ECT2L: variants seen among roughly 807,000 people sequenced by gnomAD.
ECT2L encodes epithelial cell transforming 2 like.
ECT2L carries 126 observed loss-of-function variants against 122.8 expected under a neutral mutation model. The observed-to-expected ratio is 1.03, with a 90% CI of 0.89 to 1.19. The LOEUF is 1.19. Among genes scored for constraint, ECT2L ranks in the 50% most tolerant of loss-of-function variants. The probability of loss-of-function intolerance (pLI) is 0.00; values close to 1 mark genes in which losing one functional copy is unlikely to be tolerated. For missense variants in ECT2L, 1,012 were observed against 1,064.1 expected, an observed-to-expected ratio of 0.95 and a Z score of 0.68; for synonymous variants, 385 against 381.8, an observed-to-expected ratio of 1.01 and a Z score of -0.10.
chr6:138,894,175 G>A (rs546694156), intron 20 of ECT2L, among the ~76,000 whole-genome samples: 1 of 152,210 alleles, frequency 6.6e-6, no homozygotes, highest in African/African-American at 2.4e-5. Flanking sequence ...TCCTGCCTCA[G>A]CCTCCCAAGT....
chr6:138,882,936 C>G, intron 16 of ECT2L, 65 bp downstream of exon 16: 22 of 1,540,228 alleles, frequency 1.4e-5, no homozygotes, highest in African/African-American at 2.7e-5. Flanking sequence ...CGTGTGGAAC[C>G]CGAAAGACCA....
At chr6:138,866,341 T>C (rs1778038283) in intron 12 of ECT2L, among the ~76,000 whole-genome samples, 1 of 152,044 alleles carries the variant, frequency 6.6e-6, no homozygotes, top group Non-Finnish European at 1.5e-5. Flanking sequence ...ATTTTTTAGA[T>C]GGAGTCTTAC....
At chr6:138,891,049 T>A (rs1422535546) in intron 20 of ECT2L, among the ~76,000 whole-genome samples, 1 of 152,110 alleles carries the variant, frequency 6.6e-6, no homozygotes, top group Non-Finnish European at 1.5e-5. Flanking sequence ...AAAAATGAGT[T>A]CAGGCCATGA....
chr6:138,799,462 A>G (rs548715244), intron 1 of ECT2L, among the ~76,000 whole-genome samples: 5 of 152,112 alleles, frequency 3.3e-5, no homozygotes, highest in Middle Eastern at 3.4e-3. Flanking sequence ...TCACTGTGTT[A>G]GCCAGGATGG....
intron 20 of ECT2L, among the ~76,000 whole-genome samples, chr6:138,892,563 G>A (rs1159033858): frequency 6.6e-6 from 1 of 152,060 alleles, no homozygotes; most frequent in Non-Finnish European, 1.5e-5. Context: ...GTGCAATCTA[G>A]GCTCACTGCA....
intron 4 of ECT2L, among the ~76,000 whole-genome samples, chr6:138,836,112 C>T (rs574467928): frequency 6.8e-4 from 104 of 151,924 alleles, no homozygotes; most frequent in Admixed American, 1.7e-3. Flanking sequence ...TCAATTTGTC[C>T]CATAGCTGGA....
At chr6:138,867,637 C>T (rs146998824) in intron 12 of ECT2L, among the ~76,000 whole-genome samples, 352 of 141,378 alleles carry the variant, frequency 2.5e-3, no homozygotes, top group African/African-American at 8.6e-3. Context: ...TGGTGAAACC[C>T]GGTCTCTCCT....
chr6:138,827,951 T>TA (rs1319267304), intron 4 of ECT2L, among the ~76,000 whole-genome samples: 1 of 151,812 alleles, frequency 6.6e-6, no homozygotes, highest in Non-Finnish European at 1.5e-5. Context: ...TATTTTTTTT[T>TA]TATACTTTAA....
chr6:138,846,043 C>T (rs777990692), intron 7 of ECT2L, among the ~76,000 whole-genome samples: 1 of 152,126 alleles, frequency 6.6e-6, no homozygotes, highest in South Asian at 2.1e-4. Context: ...TGCACTCCAG[C>T]CTGAGTGAGA....
intron 7 of ECT2L, 59 bp from the exon 8 acceptor site, chr6:138,846,480 T>A (rs2128391235): frequency 6.6e-7 from 1 of 1,513,734 alleles, no homozygotes; most frequent in African/African-American, 1.4e-5. Flanking sequence ...TGCTGTGTAC[T>A]TACCAAAACT....
At chr6:138,900,841 G>C (rs892409937) in intron 20 of ECT2L, 107 bp from the exon 21 acceptor site, 2 of 1,190,676 alleles carry the variant, frequency 1.7e-6, no homozygotes, top group Admixed American at 5.5e-5. Flanking sequence ...AATGTCAGTA[G>C]TGGGGTAAAA....
At position 138,844,437 on chromosome 6, in the gene ECT2L, T is replaced by C. The variant is rs1777150192; in HGVS notation, c.621T>C (p.Pro207=). Residue 207 remains proline, a synonymous_variant, in exon 7 of 22, where the codon CCT becomes CCC. Coordinates refer to ENST00000541398, the MANE Select transcript of ECT2L (RefSeq NM_001077706.3). ...AGGAGTTATTCAAAGTTCGACCCCC[T>C]TGGGTGAGTGGAACTTGCTGCTCTA... ...RKKELFKVRP[P]WVSGTCCSSV... is the part of the protein sequence containing the mutation. The C allele has an allele frequency of 2.5e-6, 4 of 1,614,106 alleles. No individual in the cohort carries two copies. In the African/African-American group the frequency reaches 4.0e-5, roughly 16 times the overall value.
intron 4 of ECT2L, chr6:138,822,698 G>A (rs1776307381): frequency 6.6e-7 from 1 of 1,516,846 alleles, no homozygotes; most frequent in African/African-American, 1.4e-5. Context: ...CCCAGCGTGA[G>A]CGACGCAGAA....
intron 7 of ECT2L, among the ~76,000 whole-genome samples, chr6:138,845,242 A>AT (rs10717081): frequency 0.02 from 2,567 of 128,596 alleles, 65 homozygotes; most frequent in African/African-American, 0.059. Flanking sequence ...TTAACTTTGG[A>AT]TTTTTTTTTT....
Position 138,844,509 on chromosome 6 carries a change from G to A in ECT2L, c.693G>A (p.Arg231=), listed in dbSNP as rs368929842. The A allele has an allele frequency of 1.9e-5, 30 of 1,614,016 alleles. No homozygotes were observed. In the African/African-American group the frequency reaches 3.5e-4, roughly 19 times the overall value. The change falls in exon 7 of 22, where the codon AGG becomes AGA. Residue 231 remains arginine (R), a synonymous_variant. Coordinates refer to ENST00000541398, the MANE Select transcript of ECT2L (RefSeq NM_001077706.3). ...AACCACGCCTCTCCCAGACTGTAAG[G>A]GAGCGAGTGGGATTACATGAAGCTT... is the stretch of plus-strand genomic sequence containing the variant. The part of the protein sequence containing the change: ...RCQPRLSQTV[R]ERVGLHEALE...
At chr6:138,809,156 T>C (rs528664674) in intron 1 of ECT2L, among the ~76,000 whole-genome samples, 44 of 152,358 alleles carry the variant, frequency 2.9e-4, no homozygotes, top group African/African-American at 8.9e-4. Flanking sequence ...TTACCATTAG[T>C]GTCATGTCTG....
chr6:138,873,894 G>A (rs113016807), intron 13 of ECT2L, among the ~76,000 whole-genome samples: 110 of 145,882 alleles, frequency 7.5e-4, no homozygotes, highest in Middle Eastern at 3.5e-3. Context: ...GTGTGTGTGT[G>A]TGTGTGTGTG....
chr6:138,808,302 G>A (rs147389022), intron 1 of ECT2L, among the ~76,000 whole-genome samples: 1 of 151,922 alleles, frequency 6.6e-6, no homozygotes, highest in East Asian at 1.9e-4. Flanking sequence ...TGGAGTGCAG[G>A]GACAAGATAA....
intron 10 of ECT2L, among the ~76,000 whole-genome samples, chr6:138,859,656 C>T (rs1777747736): frequency 6.6e-6 from 1 of 152,018 alleles, no homozygotes; most frequent in Non-Finnish European, 1.5e-5. Flanking sequence ...TTTTCATGTG[C>T]TTATTTGCCA....
Sources: allele counts gnomAD v4.1 joint callset (sites outside exome capture counted in the v4.1 genomes callset), GRCh38; gene constraint gnomAD v4.1.1; transcripts MANE v1.5; gene names NCBI Gene and HGNC (gene_info 2026-07-23, HGNC 2026-07-21).